The following SPTBN1 variants were observed in gnomAD, a reference collection of about 807,000 sequenced individuals.
The protein encoded by SPTBN1 is spectrin beta chain, non-erythrocytic 1.
Under a neutral mutation model 266.4 loss-of-function variants are expected in SPTBN1, and 32 were observed. The observed-to-expected ratio is 0.12, with a 90% CI of 0.09 to 0.16. The LOEUF (loss-of-function observed/expected upper bound fraction) is 0.16, where lower values mean the gene tolerates loss of function less well. SPTBN1 is among the 10% of genes least tolerant of loss of function. The pLI is 1.00. For synonymous variants in SPTBN1, 1,336 were observed against 1,162.2 expected (o/e 1.15, Z -3.04); for missense variants, 2,296 against 3,067.1 (o/e 0.75, Z 5.94).
At chr2:54,461,684 G>A (rs1693377363) in intron 1 of SPTBN1, among the ~76,000 whole-genome samples, 1 of 152,138 alleles carries the variant, frequency 6.6e-6, no homozygotes, top group African/African-American at 2.4e-5. Flanking sequence ...TCTGATTATT[G>A]AGTTTGAATG....
intron 1 of SPTBN1, among the ~76,000 whole-genome samples, chr2:54,509,973 T>A (rs1376770643): frequency 4.0e-4 from 47 of 117,284 alleles, no homozygotes; most frequent in South Asian, 1.1e-3. Flanking sequence ...TTTTTTTTTT[T>A]AATGATAAGG....
intron 2 of SPTBN1, among the ~76,000 whole-genome samples, chr2:54,576,936 A>G (rs920580865): frequency 1.6e-4 from 25 of 152,182 alleles, no homozygotes; most frequent in Non-Finnish European, 2.8e-4. Context: ...GTTTTTAAAT[A>G]TGACCTGGAT....
intron 18 of SPTBN1, among the ~76,000 whole-genome samples, chr2:54,638,703 G>A (rs1382440210): frequency 6.6e-6 from 1 of 152,164 alleles, no homozygotes; most frequent in Non-Finnish European, 1.5e-5. Flanking sequence ...AGCCCTCTCT[G>A]GTTTATTAAA....
chr2:54,639,630 A>AAAGT (rs1205152404), intron 18 of SPTBN1, among the ~76,000 whole-genome samples: 2 of 152,234 alleles, frequency 1.3e-5, no homozygotes, highest in Non-Finnish European at 2.9e-5. Context: ...ATGTATGGGA[A>AAAGT]AAGTAAGTAG....
chr2:54,532,082 G>A (rs1014416877), intron 2 of SPTBN1, among the ~76,000 whole-genome samples: 6 of 152,222 alleles, frequency 3.9e-5, no homozygotes, highest in East Asian at 1.9e-4. Flanking sequence ...GAGGTCAGGC[G>A]TTCAAAACCA....
At chr2:54,456,623 C>T (rs887560250) in intron 1 of SPTBN1, 105 bp downstream of exon 1, 1 of 151,392 alleles carries the variant, frequency 6.6e-6, no homozygotes, top group Non-Finnish European at 1.5e-5. Context: ...GGCCCAGGGC[C>T]GGAGGACGCC....
At chr2:54,599,268 C>T (rs1573501170) in intron 3 of SPTBN1, 25 bp downstream of exon 3, 3 of 1,611,186 alleles carry the variant, frequency 1.9e-6, no homozygotes, top group Non-Finnish European at 2.5e-6. Flanking sequence ...TAGGAAGTGC[C>T]GTGTGTTGTA....
chr2:54,511,269 C>A (rs1669844488), intron 1 of SPTBN1, among the ~76,000 whole-genome samples: 1 of 152,312 alleles, frequency 6.6e-6, no homozygotes, highest in East Asian at 1.9e-4. Context: ...TGTTACCAAG[C>A]TTGATATTGA....
At chr2:54,658,145 G>C (rs767462202) in intron 30 of SPTBN1, 99 bp downstream of exon 30, 1 of 1,386,722 alleles carries the variant, frequency 7.2e-7, no homozygotes, top group Non-Finnish European at 9.8e-7. Flanking sequence ...GCTTGTTTTT[G>C]TTTTTTGGGT....
chr2:54,531,759 C>T (rs868318632), intron 2 of SPTBN1, among the ~76,000 whole-genome samples: 2 of 152,046 alleles, frequency 1.3e-5, no homozygotes, highest in South Asian at 2.1e-4. Flanking sequence ...CAGTCTGATT[C>T]ATATCTGCGT....
At chr2:54,528,749 T>C (rs898679874) in intron 2 of SPTBN1, 2 of 150,606 alleles carry the variant, frequency 1.3e-5, no homozygotes, top group Non-Finnish European at 3.0e-5. Flanking sequence ...GCATTGCTAG[T>C]GAGGTAATTC....
At position 54,566,855 on chromosome 2, in the gene SPTBN1, T is replaced by C. The variant is rs144613877; in HGVS notation, c.149-32237T>C. Among the ~76,000 whole-genome samples the C allele has an allele frequency of 1.3e-3, 196 of 152,278 alleles. 3 individuals are homozygous for C. In the South Asian group the frequency reaches 0.036, roughly 28 times the overall value. On this transcript the variant is annotated intron_variant, in intron 2 of 35. Transcript: ENST00000356805. ...CAAAAAAAAAAAGTTTGATGATTGT[T>C]AAATCATTTTGTTGGTGCAGAGAAC...
intron 1 of SPTBN1, among the ~76,000 whole-genome samples, chr2:54,482,552 C>A (rs1668154216): frequency 6.6e-6 from 1 of 152,032 alleles, no homozygotes; most frequent in Non-Finnish European, 1.5e-5. Context: ...ATGTCTCTGG[C>A]CTGTGCTGTC....
At position 54,558,498 on chromosome 2, in the gene SPTBN1, T is replaced by C; in HGVS notation, c.148+31932T>C. ...AGTAGAACCTGCGCCTCCTCTCTGC[T>C]TCTCCCTCCTCCTCAGTAATTTATT... On this transcript the variant is annotated intron_variant, in intron 2 of 35. Coordinates refer to ENST00000356805, the MANE Select transcript of SPTBN1 (RefSeq NM_003128.3). The surrounding 1 kb of genome is among the most constrained non-coding windows in gnomAD (Gnocchi z 4.6). 1.7e-6 allele frequency: 2 copies of C among 1,177,088 alleles called. No individual in the cohort carries two copies. The highest frequency in any genetic ancestry group is 2.1e-6 in the Non-Finnish European group (2 of 950,716). The allele number at this position is 1,177,088 out of a possible 1,614,324, so 72.9% of individuals were successfully genotyped here. A position where few individuals can be genotyped will look rare whatever the true frequency, so the allele number is the denominator to read the frequency against.
intron 1 of SPTBN1, among the ~76,000 whole-genome samples, chr2:54,493,989 A>G (rs539448684): frequency 1.2e-4 from 19 of 152,320 alleles, no homozygotes; most frequent in Non-Finnish European, 2.2e-4. Flanking sequence ...TCAACACTTG[A>G]AGATAATCAC....
intron 2 of SPTBN1, among the ~76,000 whole-genome samples, chr2:54,566,971 T>TA (rs1315148031): frequency 6.6e-6 from 1 of 152,200 alleles, no homozygotes; most frequent in Non-Finnish European, 1.5e-5. Context: ...AATAAAACTT[T>TA]AAAAAATACA....
At chr2:54,493,418 G>GGGGGT (rs1489893906) in intron 1 of SPTBN1, among the ~76,000 whole-genome samples, 1 of 146,240 alleles carries the variant, frequency 6.8e-6, no homozygotes, top group Admixed American at 6.9e-5. Context: ...TTTTTGGGGG[G>GGGGGT]TTGGGGGAGA....
chr2:54,486,072 C>A (rs1463003667), intron 1 of SPTBN1, among the ~76,000 whole-genome samples: 1 of 151,290 alleles, frequency 6.6e-6, no homozygotes, highest in African/African-American at 2.4e-5. Context: ...TCTGCCCGGC[C>A]AGCCACCCTG....
rs748585338 is a variant in SPTBN1, at chr2:54,540,708, C to T, written c.148+14142C>T. On this transcript the variant is annotated intron_variant, in intron 2 of 35. Transcript: ENST00000356805. The surrounding 1 kb of genome is among the most constrained non-coding windows in gnomAD (Gnocchi z 5.6). The stretch of plus-strand genomic sequence containing the variant: ...CTGTGTTATTCTCTGTCATCATTAG[C>T]CTGGAGTACATGTTAGCAGTTGAAG... 5.9e-5 allele frequency: 9 copies of T among 152,136 alleles called. No individual in the cohort carries two copies. The highest frequency in any genetic ancestry group is 1.3e-4 in the Non-Finnish European group (9 of 68,036). The allele number at this position is 152,136 out of a possible 1,614,324, so 9.4% of individuals were successfully genotyped here.
Sources: gnomAD v4.1 joint callset for allele counts (sites outside exome capture counted in the v4.1 genomes callset) on GRCh38, gnomAD v4.1.1 for gene constraint, Gnocchi (gnomAD v3.1) non-coding constraint, MANE v1.5 for transcripts, NCBI Gene and HGNC (gene_info 2026-07-23, HGNC 2026-07-21) for gene names.